The following XPC variants were observed in gnomAD, a reference collection of about 807,000 sequenced individuals.
The protein encoded by XPC is DNA repair protein complementing XP-C cells.
A neutral mutation model predicts 95.8 loss-of-function variants in XPC; 76 were observed. The observed-to-expected ratio is 0.79, with a 90% confidence interval of 0.66 to 0.96. The LOEUF (loss-of-function observed/expected upper bound fraction) is 0.96. Among genes scored for constraint, XPC ranks in the 40% least tolerant of loss-of-function variants. The pLI, the probability that XPC is intolerant of heterozygous loss-of-function variation, is 0.00. For missense variants in XPC, 1,146 were observed against 1,179.8 expected, an observed-to-expected ratio of 0.97 and a Z score of 0.42; for synonymous variants, 442 against 442.1, an observed-to-expected ratio of 1.00 and a Z score of 0.00.
At position 14,178,495 on chromosome 3, in the gene XPC, C is replaced by CTCT; in HGVS notation, c.71_73dup (p.Lys24dup). The CTCT allele has an allele frequency of 6.2e-7, 1 of 1,612,400 alleles. No homozygotes were observed. The highest frequency in any genetic ancestry group is 1.1e-5 in the South Asian group (1 of 91,044). On this transcript the variant is annotated inframe_insertion, in exon 1 of 16. Transcript: ENST00000285021. ...CTCCTCCTCCTCACGCCGGGCCTTG[C>CTCT]TCTTGGCCTTGGATTTCTGGCTGCG...
intron 14 of XPC, 85 bp from the exon 15 acceptor site, chr3:14,147,464 G>T: frequency 7.6e-7 from 1 of 1,312,134 alleles, no homozygotes; most frequent in Non-Finnish European, 1.1e-6. Context: ...TGAATGTAAA[G>T]ACAGATATAT....
chr3:14,146,261 T>C, intron 15 of XPC, 102 bp from the exon 16 acceptor site: 1 of 1,115,908 alleles, frequency 9.0e-7, no homozygotes, highest in Non-Finnish European at 1.3e-6. Flanking sequence ...CCCTAAGCTG[T>C]GTAACTCTGG....
intron 10 of XPC, 185 bp from the exon 11 acceptor site, chr3:14,152,601 CTT>C: frequency 1.9e-6 from 1 of 540,168 alleles, no homozygotes; most frequent in Non-Finnish European, 3.2e-6. Context: ...GACTGCCTGT[CTT>C]TTGGGGGATG....
chr3:14,155,256 G>A (rs933491822), intron 10 of XPC, among the ~76,000 whole-genome samples: 2 of 152,194 alleles, frequency 1.3e-5, no homozygotes, highest in Non-Finnish European at 2.9e-5. Context: ...ACTCTCATGT[G>A]GGTTTCCCTA....
At chr3:14,157,986 G>A in intron 9 of XPC, 25 bp downstream of exon 9, 4 of 1,575,656 alleles carry the variant, frequency 2.5e-6, no homozygotes, top group Non-Finnish European at 3.5e-6. Context: ...CTGTGTCTTG[G>A]AGCCCCTGGC....
At chr3:14,149,209 G>A (rs1695584120) in intron 11 of XPC, among the ~76,000 whole-genome samples, 2 of 151,928 alleles carry the variant, frequency 1.3e-5, no homozygotes, top group African/African-American at 4.8e-5. Flanking sequence ...TCAGCCTCCT[G>A]AGTAGCTGGG....
Position 14,164,882 on chromosome 3 carries a change from A to T in XPC, c.831T>A (p.Asp277Glu). The change falls in exon 7 of 16, where the codon GAT becomes GAA. Residue 277 changes from aspartate (D) to glutamate (E), a missense_variant. Physicochemically the swap from Asp to Glu is conservative, Grantham distance 45 (BLOSUM62 2). Transcript: ENST00000285021. ...TCCTTTCCAATGTAGTCTGCAGGTT[A>T]TCTTGTTCACTGGCTGAAAGTTCTG... ...VNAELSASEQDNLQTTLERRF... is the reference protein window; with the variant it reads ...VNAELSASEQENLQTTLERRF... The T allele has an allele frequency of 6.2e-7, 1 of 1,612,720 alleles. No individual in the cohort carries two copies. Among genetic ancestry groups the T allele is most frequent in the South Asian group, 1.1e-5 (1 of 90,760 alleles).
At chr3:14,168,967 T>C (rs1246698511) in intron 3 of XPC, among the ~76,000 whole-genome samples, 1 of 152,210 alleles carries the variant, frequency 6.6e-6, no homozygotes, top group Non-Finnish European at 1.5e-5. Flanking sequence ...TTAGCAAAAG[T>C]TCCTTAAAAG....
Position 14,165,433 on chromosome 3 carries a change from C to A in XPC, c.774G>T (p.Val258=). 1 of 1,592,106 alleles carries A rather than the reference C, an allele frequency of 6.3e-7. No individual in the cohort carries two copies. The highest frequency in any genetic ancestry group is 1.8e-5 in the Admixed American group (1 of 57,038). ...DVDTYYLSNL[V]KWFIGTFTVN... is the part of the protein sequence containing the mutation. Reference sequence around the variant, plus strand: ...GGACAAGCGGAGGGCCTTACCACTTCACCAGGTTTGAGAGGTAGTAGGTGT... The same window carrying A: ...GGACAAGCGGAGGGCCTTACCACTTAACCAGGTTTGAGAGGTAGTAGGTGT... The change falls in exon 6 of 16, where the codon GTG becomes GTT. Residue 258 remains valine, a synonymous_variant. Transcript: ENST00000285021.
At chr3:14,148,391 G>A (rs1695535448) in intron 13 of XPC, 171 bp downstream of exon 13, 1 of 901,096 alleles carries the variant, frequency 1.1e-6, no homozygotes. Flanking sequence ...TCCCTCTGGA[G>A]GGAAGCCAGA....
At chr3:14,169,904 G>A (rs551574135) in intron 3 of XPC, among the ~76,000 whole-genome samples, 1 of 152,346 alleles carries the variant, frequency 6.6e-6, no homozygotes, top group South Asian at 2.1e-4. Context: ...GAAGGAATCA[G>A]GGATGATAAC....
intron 7 of XPC, among the ~76,000 whole-genome samples, chr3:14,160,309 G>A (rs983189559): frequency 6.6e-6 from 1 of 152,156 alleles, no homozygotes; most frequent in African/African-American, 2.4e-5. Context: ...CAGATCACCA[G>A]GTCTGTTCCC....
At position 14,146,298 on chromosome 3, in the gene XPC, GGA is replaced by G. The variant is rs1324277486; in HGVS notation, c.2605-141_2605-140del. The G allele has an allele frequency of 1.6e-5, 13 of 793,034 alleles. No homozygotes were observed. In the African/African-American group the frequency reaches 1.9e-4, roughly 11 times the overall value. 49.1% of individuals were successfully genotyped at this position (793,034 alleles called of 1,614,324 possible). ...AGGACAAGGGCATGGGACAGGGCAG[GGA>G]GAGAGCCCAGACCCTTCTTACTGAG... is the stretch of plus-strand genomic sequence containing the variant. On this transcript the variant is annotated intron_variant, in intron 15 of 15. Transcript: ENST00000285021.
intron 7 of XPC, among the ~76,000 whole-genome samples, chr3:14,161,537 T>C (rs980857350): frequency 1.4e-5 from 2 of 146,918 alleles, no homozygotes; most frequent in African/African-American, 5.3e-5. Context: ...CAATTAAATA[T>C]ACATTAATAG....
At chr3:14,156,574 AACTT>A in intron 9 of XPC, 79 bp from the exon 10 acceptor site, 1 of 1,594,318 alleles carries the variant, frequency 6.3e-7, no homozygotes, top group Non-Finnish European at 8.6e-7. Flanking sequence ...TCCTTAGACT[AACTT>A]GTTCTGACAA....
In XPC at chr3:14,178,589, C is replaced by G; in HGVS notation, c.-21G>C. On this transcript the variant is annotated 5_prime_UTR_variant, in exon 1 of 16. Transcript: ENST00000285021. ...GCCATGTTGCTTGTCTGGGCAAATT[C>G]CACTTCGCGAGTGACGCACCCGGCC... 6.2e-7 allele frequency: 1 copy of G among 1,612,362 alleles called. No homozygotes were observed. Among genetic ancestry groups the G allele is most frequent in the Non-Finnish European group, 8.5e-7 (1 of 1,179,066 alleles).
Position 14,175,430 on chromosome 3 carries a change from T to C in XPC, c.104-2368A>G, listed in dbSNP as rs1379810905. ...TCTTAGCACAGGGTGATAGCTCTTA[T>C]CATCATGTGAATCCGTTTTTTTTTA... is the stretch of plus-strand genomic sequence containing the variant. On this transcript the variant is annotated intron_variant, in intron 1 of 15. Coordinates refer to ENST00000285021, the MANE Select transcript of XPC (RefSeq NM_004628.5). Among the ~76,000 whole-genome samples the C allele has an allele frequency of 2.0e-5, 3 of 152,264 alleles. No individual in the cohort carries two copies. The East Asian group carries it at 5.8e-4, about 29-fold the overall frequency.
At chr3:14,162,080 GA>G (rs1233189991) in intron 7 of XPC, among the ~76,000 whole-genome samples, 2 of 151,934 alleles carry the variant, frequency 1.3e-5, no homozygotes, top group African/African-American at 2.4e-5. Flanking sequence ...AAGTACCTAG[GA>G]AAAAATTTAA....
chr3:14,147,190 T>C, intron 15 of XPC, 100 bp downstream of exon 15: 2 of 1,259,012 alleles, frequency 1.6e-6, no homozygotes, highest in South Asian at 2.7e-5. Flanking sequence ...AAGCTATCCC[T>C]GACTTGAGGC....
Sources: gnomAD v4.1 joint callset for allele counts (sites outside exome capture counted in the v4.1 genomes callset) on GRCh38, gnomAD v4.1.1 for gene constraint, MANE v1.5 for transcripts, NCBI Gene and HGNC (gene_info 2026-07-23, HGNC 2026-07-21) for gene names.